The following DLC1 variants were observed in gnomAD, a reference collection of about 807,000 sequenced individuals.
DLC1 encodes the protein rho GTPase-activating protein 7.
DLC1 carries 54 observed loss-of-function variants against 140.3 expected under a neutral mutation model. The observed-to-expected ratio is 0.38, with a 90% CI of 0.31 to 0.48. The LOEUF (loss-of-function observed/expected upper bound fraction) is 0.48. DLC1 is among the 20% of genes least tolerant of loss of function. DLC1 has a pLI of 0.96. For synonymous variants in DLC1, 986 were observed against 728.1 expected, an observed-to-expected ratio of 1.35 and a Z score of -5.70; for missense variants, 2,536 against 1,907.0, an observed-to-expected ratio of 1.33 and a Z score of -6.14.
At chr8:13,210,062 G>T (rs1259785245) in intron 5 of DLC1, among the ~76,000 whole-genome samples, 4 of 152,144 alleles carry the variant, frequency 2.6e-5, no homozygotes, top group African/African-American at 7.2e-5. Context: ...GTGGGGTAGG[G>T]AGGTAGAGAG....
chr8:13,400,490 A>C (rs902635924), intron 3 of DLC1, among the ~76,000 whole-genome samples: 11 of 152,174 alleles, frequency 7.2e-5, no homozygotes, highest in African/African-American at 2.7e-4. Context: ...TATTTTGCCT[A>C]TTCTGAATAC....
chr8:13,562,795 TGA>T (rs1804287163), intron 1 of DLC1, among the ~76,000 whole-genome samples: 1 of 152,052 alleles, frequency 6.6e-6, no homozygotes, highest in South Asian at 2.1e-4. Flanking sequence ...TCAAAATGTG[TGA>T]ATAAAATACA....
chr8:13,164,055 G>C (rs1055845519), intron 5 of DLC1, among the ~76,000 whole-genome samples: 43 of 152,102 alleles, frequency 2.8e-4, no homozygotes, highest in African/African-American at 1.0e-3. Context: ...CCAGCGCTTT[G>C]GGAGGCCGAG....
chr8:13,592,653 G>C (rs1198351539), intron 1 of DLC1, among the ~76,000 whole-genome samples: 1 of 152,068 alleles, frequency 6.6e-6, no homozygotes, highest in Admixed American at 6.6e-5. Context: ...GGCCTGCCAA[G>C]GTTTCCCCAG....
chr8:13,514,493 C>G (rs769425908), intron 1 of DLC1, 109 bp downstream of exon 1: 4 of 397,736 alleles, frequency 1.0e-5, no homozygotes, highest in Admixed American at 4.4e-5. Context: ...TGGCTTTGCT[C>G]TAAAACCTAG....
intron 1 of DLC1, among the ~76,000 whole-genome samples, chr8:13,540,394 G>A (rs1220396445): frequency 1.3e-5 from 2 of 152,026 alleles, no homozygotes; most frequent in African/African-American, 4.8e-5. Flanking sequence ...CCTTCTTAAT[G>A]GATTATTTTT....
intron 2 of DLC1, among the ~76,000 whole-genome samples, chr8:13,454,156 C>CA (rs1171893982): frequency 6.6e-6 from 1 of 151,776 alleles, no homozygotes; most frequent in Non-Finnish European, 1.5e-5. Context: ...CATGTAGTTA[C>CA]AAAAAACAAA....
At chr8:13,250,357 G>C (rs986300278) in intron 5 of DLC1, among the ~76,000 whole-genome samples, 2 of 152,248 alleles carry the variant, frequency 1.3e-5, no homozygotes, top group Admixed American at 6.5e-5. Flanking sequence ...GTTGAAGTCA[G>C]CTGGCCCACA....
intron 5 of DLC1, among the ~76,000 whole-genome samples, chr8:13,192,723 G>A (rs1826830399): frequency 6.6e-6 from 1 of 152,158 alleles, no homozygotes; most frequent in Non-Finnish European, 1.5e-5. Flanking sequence ...GATGCTGTTA[G>A]GGCAGGATCC....
intron 5 of DLC1, among the ~76,000 whole-genome samples, chr8:13,124,192 G>C (rs1046964869): frequency 2.0e-5 from 3 of 152,192 alleles, no homozygotes; most frequent in Non-Finnish European, 4.4e-5. Flanking sequence ...AATGTGATAT[G>C]ACATAGGAAA....
chr8:13,549,422 G>C (rs1563434374), intron 1 of DLC1, among the ~76,000 whole-genome samples: 1 of 152,030 alleles, frequency 6.6e-6, no homozygotes, highest in Non-Finnish European at 1.5e-5. Flanking sequence ...ACTCTATAAA[G>C]CTCTAGATAA....
chr8:13,195,002 C>A lies in DLC1; in HGVS notation c.1349-79345G>T, dbSNP rs766331905. On this transcript the variant is annotated intron_variant, in intron 5 of 17. Coordinates refer to ENST00000276297, the MANE Select transcript of DLC1 (RefSeq NM_182643.3). ...TCCAGTGTGGGTGACAGAGCAAGAT[C>A]CTGTCTCAAAAACAGCAAAAGAAAG... Among the ~76,000 whole-genome samples the A allele has an allele frequency of 2.0e-5, 3 of 152,070 alleles. 1 individual carries two copies. The highest frequency in any genetic ancestry group is 3.9e-4 in the East Asian group (2 of 5,190).
chr8:13,440,835 G>A (rs532439895), intron 2 of DLC1, among the ~76,000 whole-genome samples: 1 of 152,108 alleles, frequency 6.6e-6, no homozygotes, highest in South Asian at 2.1e-4. Context: ...CACGTAAGAA[G>A]TGCCTTTTGC....
chr8:13,454,443 G>C (rs941773893), intron 2 of DLC1, among the ~76,000 whole-genome samples: 3 of 152,052 alleles, frequency 2.0e-5, no homozygotes, highest in Middle Eastern at 3.2e-3. Flanking sequence ...TCCTAACAAG[G>C]CAAAAAGTAA....
At chr8:13,544,180 T>A (rs1010280445) in intron 1 of DLC1, among the ~76,000 whole-genome samples, 5 of 144,042 alleles carry the variant, frequency 3.5e-5, no homozygotes, top group African/African-American at 1.2e-4. Context: ...TTTGTCATTC[T>A]CTCTTACACA....
At chr8:13,208,088 A>T (rs1421620210) in intron 5 of DLC1, among the ~76,000 whole-genome samples, 1 of 152,190 alleles carries the variant, frequency 6.6e-6, no homozygotes, top group South Asian at 2.1e-4. Flanking sequence ...ATTTTAAACC[A>T]TGGGTTGACT....
chr8:13,597,021 G>A (rs766479722), intron 1 of DLC1, among the ~76,000 whole-genome samples: 6 of 151,714 alleles, frequency 4.0e-5, no homozygotes, highest in South Asian at 4.2e-4. Flanking sequence ...GCACTCTGAC[G>A]TCATCCTGTT....
intron 5 of DLC1, among the ~76,000 whole-genome samples, chr8:13,301,932 T>C (rs1220988152): frequency 6.6e-6 from 1 of 151,974 alleles, no homozygotes; most frequent in Non-Finnish European, 1.5e-5. Context: ...CGTGGAAAAA[T>C]TGTTTTCCAT....
At chr8:13,339,153 A>C (rs147530763) in intron 4 of DLC1, among the ~76,000 whole-genome samples, 2 of 152,358 alleles carry the variant, frequency 1.3e-5, no homozygotes, top group African/African-American at 4.8e-5. Flanking sequence ...AAACCAAACT[A>C]CTTTTGTCAT....
Sources: gnomAD v4.1 joint callset for allele counts (sites outside exome capture counted in the v4.1 genomes callset) on GRCh38, gnomAD v4.1.1 for gene constraint, MANE v1.5 for transcripts, NCBI Gene and HGNC (gene_info 2026-07-23, HGNC 2026-07-21) for gene names.